Variants in TCERG1L observed in about 807,000 individuals in gnomAD.
TCERG1L encodes transcription elongation regulator 1 like.
A neutral mutation model predicts 56.3 loss-of-function variants in TCERG1L; 37 were observed. The observed-to-expected ratio is 0.66, with a 90% CI of 0.51 to 0.87. TCERG1L has a LOEUF of 0.87. TCERG1L is among the 40% of genes least tolerant of loss of function. The probability of loss-of-function intolerance (pLI) is 0.00; values close to 1 mark genes in which losing one functional copy is unlikely to be tolerated. For synonymous variants in TCERG1L, 324 were observed against 326.3 expected (o/e 0.99, Z 0.08); for missense variants, 799 against 774.2 (o/e 1.03, Z -0.38).
chr10:131,140,462 C>T (rs917159802), intron 7 of TCERG1L, among the ~76,000 whole-genome samples: 3 of 152,226 alleles, frequency 2.0e-5, no homozygotes, highest in Non-Finnish European at 4.4e-5. Context: ...AAGGTAGTGT[C>T]ATCCTCCCTC....
At chr10:131,223,830 C>A (rs1399581547) in intron 4 of TCERG1L, among the ~76,000 whole-genome samples, 1 of 151,700 alleles carries the variant, frequency 6.6e-6, no homozygotes, top group African/African-American at 2.4e-5. Flanking sequence ...CACCCACGAA[C>A]CCTCCCCTGG....
chr10:131,146,879 C>A (rs1294021084), intron 6 of TCERG1L, among the ~76,000 whole-genome samples: 2 of 152,136 alleles, frequency 1.3e-5, no homozygotes, highest in Non-Finnish European at 2.9e-5. Context: ...TTATCACCAG[C>A]CTTAGACCAG....
intron 7 of TCERG1L, among the ~76,000 whole-genome samples, chr10:131,144,343 C>G (rs1489864047): frequency 6.6e-6 from 1 of 152,132 alleles, no homozygotes; most frequent in East Asian, 1.9e-4. Flanking sequence ...AAATATCTGA[C>G]GAGCCGCGAC....
chr10:131,269,722 T>C (rs1846319612), intron 3 of TCERG1L, among the ~76,000 whole-genome samples: 1 of 152,206 alleles, frequency 6.6e-6, no homozygotes, highest in South Asian at 2.1e-4. Flanking sequence ...TTAAAAACTT[T>C]GAAACACTGA....
chr10:131,100,253 T>C (rs1736479721), intron 10 of TCERG1L, among the ~76,000 whole-genome samples: 1 of 152,198 alleles, frequency 6.6e-6, no homozygotes, highest in Non-Finnish European at 1.5e-5. Context: ...TAATGCAGGG[T>C]TATTATCCAA....
At chr10:131,175,700 A>AT (rs1195181200) in intron 4 of TCERG1L, among the ~76,000 whole-genome samples, 1 of 152,270 alleles carries the variant, frequency 6.6e-6, no homozygotes. Flanking sequence ...GACAATTTCT[A>AT]TAAGAAAAGA....
At chr10:131,109,602 G>A (rs776073466) in intron 9 of TCERG1L, among the ~76,000 whole-genome samples, 1 of 152,120 alleles carries the variant, frequency 6.6e-6, no homozygotes, top group Non-Finnish European at 1.5e-5. Context: ...ACCGTGTTGC[G>A]GGTCCCTCAC....
rs1845200576 is a variant in TCERG1L, at chr10:131,093,289, T to C, written c.1634A>G (p.Tyr545Cys). The C allele has an allele frequency of 5.0e-6, 8 of 1,613,874 alleles. No homozygotes were observed. In the East Asian group the frequency reaches 1.8e-4, roughly 36 times the overall value. ...RTTFKEFAEK[Y>C]GRDQRFRLVQ... ...AAGTCGGAACCTCTGATCCCGGCCG[T>C]ATTTCTCTGCAAACTCCTTAAACGT... The change falls in exon 12 of 12, where the codon TAC becomes TGC. Residue 545 changes from tyrosine (Y) to cysteine (C), a missense_variant. Tyr to Cys is a radical substitution (Grantham distance 194). Transcript: ENST00000368642.
intron 3 of TCERG1L, among the ~76,000 whole-genome samples, chr10:131,263,563 A>T (rs1167626190): frequency 2.0e-5 from 3 of 152,200 alleles, no homozygotes; most frequent in Non-Finnish European, 4.4e-5. Context: ...ACAGCCTTGT[A>T]TTCCAAGGAA....
intron 3 of TCERG1L, among the ~76,000 whole-genome samples, chr10:131,286,164 A>G (rs7077646): frequency 0.074 from 11,257 of 152,244 alleles, 523 homozygotes; most frequent in African/African-American, 0.11. Flanking sequence ...CTTAAAACAG[A>G]AGAAATACTT....
intron 4 of TCERG1L, among the ~76,000 whole-genome samples, chr10:131,258,260 A>G (rs1343921938): frequency 6.6e-6 from 1 of 152,244 alleles, no homozygotes; most frequent in Non-Finnish European, 1.5e-5. Flanking sequence ...GATGGTTTAG[A>G]AAACAGCCCG....
Position 131,301,282 on chromosome 10 carries a change from G to A in TCERG1L, c.670+6929C>T, listed in dbSNP as rs115611382. Among the ~76,000 whole-genome samples, 1,127 of 151,986 alleles carry A rather than the reference G, an allele frequency of 7.4e-3. 33 individuals carry two copies. Among genetic ancestry groups the A allele is most frequent in the African/African-American group, 0.026 (1,064 of 41,338 alleles). On this transcript the variant is annotated intron_variant, in intron 3 of 11. Transcript: ENST00000368642. ...ATTTTTAAAGGCTTTATACTCTCAA[G>A]ATCCTTCTTTCTCACCTCCTCAATT...
At position 131,156,874 on chromosome 10, in the gene TCERG1L, G is replaced by A. The variant is rs557411693; in HGVS notation, c.1034+6248C>T. 7.2e-4 allele frequency among the ~76,000 whole-genome samples: 110 copies of A among 152,252 alleles called. 1 individual carries two copies. In the South Asian group the frequency reaches 0.015, roughly 21 times the overall value. On this transcript the variant is annotated intron_variant, in intron 6 of 11. Transcript: ENST00000368642. ...GGGGAGCTCAGCTCTTGAGACAGGC[G>A]TCTTGCCGATGCCCCTGGCCGAATA...
intron 4 of TCERG1L, among the ~76,000 whole-genome samples, chr10:131,196,338 C>G (rs567711021): frequency 1.3e-5 from 2 of 152,108 alleles, no homozygotes; most frequent in African/African-American, 4.8e-5. Flanking sequence ...CATACACAGC[C>G]GCGTCGCTCA....
intron 4 of TCERG1L, among the ~76,000 whole-genome samples, chr10:131,183,930 G>A (rs1041836178): frequency 6.6e-6 from 1 of 152,208 alleles, no homozygotes; most frequent in African/African-American, 2.4e-5. Context: ...GATAGCAGTG[G>A]GACTCGACTC....
intron 7 of TCERG1L, 138 bp from the exon 8 acceptor site, chr10:131,134,586 C>T (rs1220394757): frequency 8.9e-6 from 6 of 675,882 alleles, no homozygotes; most frequent in Non-Finnish European, 1.5e-5. Context: ...GATGTGAAAT[C>T]CTACGAGTTT....
intron 3 of TCERG1L, among the ~76,000 whole-genome samples, chr10:131,273,246 C>T (rs780965187): frequency 2.6e-5 from 4 of 152,196 alleles, no homozygotes; most frequent in Non-Finnish European, 5.9e-5. Context: ...CAGGACATAG[C>T]CTGGATGGCC....
intron 4 of TCERG1L, among the ~76,000 whole-genome samples, chr10:131,184,921 T>C (rs1168434642): frequency 3.9e-5 from 6 of 152,194 alleles, no homozygotes; most frequent in African/African-American, 1.2e-4. Context: ...TAGAAAGTCA[T>C]GTATACATAC....
intron 4 of TCERG1L, among the ~76,000 whole-genome samples, chr10:131,208,970 A>G (rs886462532): frequency 5.3e-5 from 8 of 150,846 alleles, no homozygotes; most frequent in African/African-American, 1.5e-4. Flanking sequence ...AGGCAGGAGA[A>G]TGGCGTGAAC....
Sources: allele counts gnomAD v4.1 joint callset (sites outside exome capture counted in the v4.1 genomes callset), GRCh38; gene constraint gnomAD v4.1.1; transcripts MANE v1.5; gene names NCBI Gene and HGNC (gene_info 2026-07-23, HGNC 2026-07-21).